Variants in PPFIA2 observed in about 807,000 individuals in gnomAD.
PPFIA2 encodes the protein liprin-alpha-2.
In PPFIA2, 46 loss-of-function variants were observed where a neutral mutation model predicts 175.5. That is an observed-to-expected ratio of 0.26 (90% CI 0.21 to 0.34). PPFIA2 has a LOEUF of 0.34. Among genes scored for constraint, PPFIA2 ranks in the 10% least tolerant of loss-of-function variants. The probability of loss-of-function intolerance (pLI) is 1.00; values close to 1 mark genes in which losing one functional copy is unlikely to be tolerated. For missense variants in PPFIA2, 1,179 were observed against 1,506.1 expected, an observed-to-expected ratio of 0.78 and a Z score of 3.60; for synonymous variants, 568 against 511.4, an observed-to-expected ratio of 1.11 and a Z score of -1.49.
intron 6 of PPFIA2, among the ~76,000 whole-genome samples, chr12:81,443,392 T>C (rs2050592021): frequency 6.6e-6 from 1 of 152,156 alleles, no homozygotes. Flanking sequence ...AACTCACCAA[T>C]GTTCAGAATA....
At chr12:81,458,478 T>C (rs1346194925) in intron 4 of PPFIA2, among the ~76,000 whole-genome samples, 2 of 152,198 alleles carry the variant, frequency 1.3e-5, no homozygotes, top group Non-Finnish European at 1.5e-5. Context: ...CTTTGACTTG[T>C]TCACGGTTAC....
At chr12:81,648,311 CACA>C (rs544512897) in intron 4 of PPFIA2, among the ~76,000 whole-genome samples, 63 of 151,800 alleles carry the variant, frequency 4.2e-4, no homozygotes, top group African/African-American at 1.4e-3. Context: ...TGAAATGAAA[CACA>C]ACAAAGTATA....
chr12:81,631,468 G>A (rs1410007537), intron 4 of PPFIA2, among the ~76,000 whole-genome samples: 1 of 151,864 alleles, frequency 6.6e-6, no homozygotes, highest in African/African-American at 2.4e-5. Context: ...CTAACCCCAA[G>A]ATCCGATGAT....
intron 4 of PPFIA2, among the ~76,000 whole-genome samples, chr12:81,578,515 A>T (rs556734303): frequency 1.3e-5 from 2 of 151,822 alleles, no homozygotes; most frequent in Non-Finnish European, 2.9e-5. Context: ...TTTTAAAAAG[A>T]ACTTTTAATG....
intron 7 of PPFIA2, among the ~76,000 whole-genome samples, chr12:81,426,383 T>G (rs78476741): frequency 0.012 from 1,878 of 152,230 alleles, 45 homozygotes; most frequent in Admixed American, 0.029. Context: ...TATAATAGAT[T>G]TCAGTGAGTG....
At chr12:81,283,486 G>A (rs568123385) in intron 25 of PPFIA2, among the ~76,000 whole-genome samples, 50 of 151,932 alleles carry the variant, frequency 3.3e-4, no homozygotes, top group African/African-American at 1.2e-3. Context: ...TTCAACAACA[G>A]CCAACAAAAC....
chr12:81,638,085 T>G (rs556762328), intron 4 of PPFIA2, among the ~76,000 whole-genome samples: 184 of 152,342 alleles, frequency 1.2e-3, no homozygotes, highest in African/African-American at 4.0e-3. Context: ...TTGAAATTTA[T>G]ACATCACTAT....
chr12:81,471,472 CTT>C (rs763523467), intron 4 of PPFIA2, among the ~76,000 whole-genome samples: 1 of 137,206 alleles, frequency 7.3e-6, no homozygotes, highest in Non-Finnish European at 1.6e-5. Context: ...CTTGGGTTTC[CTT>C]TTTTTTTTTT....
At chr12:81,625,905 CTTTGGTG>C (rs1250649549) in intron 4 of PPFIA2, among the ~76,000 whole-genome samples, 2 of 148,474 alleles carry the variant, frequency 1.3e-5, no homozygotes, top group Non-Finnish European at 3.0e-5. Flanking sequence ...AGTATATAGC[CTTTGGTG>C]TTTGTCAAAG....
chr12:81,747,863 C>T (rs1597175747), intron 3 of PPFIA2, among the ~76,000 whole-genome samples: 1 of 144,428 alleles, frequency 6.9e-6, no homozygotes, highest in East Asian at 2.1e-4. Flanking sequence ...TAAGTAGCCT[C>T]TTTTAATTTC....
At chr12:81,756,781 C>A (rs1219140954) in intron 2 of PPFIA2, among the ~76,000 whole-genome samples, 1 of 152,124 alleles carries the variant, frequency 6.6e-6, no homozygotes, top group Non-Finnish European at 1.5e-5. Flanking sequence ...AAGTGATCAA[C>A]ATTAATCTTT....
chr12:81,617,956 G>A (rs1361594733), intron 4 of PPFIA2, among the ~76,000 whole-genome samples: 1 of 152,162 alleles, frequency 6.6e-6, no homozygotes, highest in African/African-American at 2.4e-5. Context: ...GTGGTGTGGA[G>A]GGACAAGAAC....
intron 22 of PPFIA2, among the ~76,000 whole-genome samples, chr12:81,318,968 A>AT (rs774848537): frequency 6.6e-6 from 1 of 151,786 alleles, no homozygotes; most frequent in Non-Finnish European, 1.5e-5. Flanking sequence ...TTCTATTAAT[A>AT]TTAATCCAGG....
At chr12:81,418,435 T>C (rs2045693391) in intron 7 of PPFIA2, among the ~76,000 whole-genome samples, 1 of 151,988 alleles carries the variant, frequency 6.6e-6, no homozygotes, top group Admixed American at 6.6e-5. Flanking sequence ...CTAAAAATTG[T>C]TTTGACATTT....
intron 22 of PPFIA2, among the ~76,000 whole-genome samples, chr12:81,304,349 A>T (rs1236974303): frequency 1.3e-5 from 2 of 152,222 alleles, no homozygotes; most frequent in African/African-American, 4.8e-5. Context: ...CAAGTTTTGC[A>T]GCAAGCAAAG....
intron 9 of PPFIA2, 116 bp from the exon 10 acceptor site, chr12:81,376,058 C>T (rs1485493129): frequency 2.2e-5 from 20 of 915,048 alleles, no homozygotes; most frequent in Non-Finnish European, 3.1e-5. Flanking sequence ...AGTAAATACT[C>T]ATTCCTTTCT....
intron 7 of PPFIA2, among the ~76,000 whole-genome samples, chr12:81,416,658 T>C (rs185323082): frequency 6.6e-6 from 1 of 151,840 alleles, no homozygotes; most frequent in Non-Finnish European, 1.5e-5. Context: ...ATGGAGGCTA[T>C]CTTGATTCAT....
intron 7 of PPFIA2, among the ~76,000 whole-genome samples, chr12:81,406,290 C>T (rs1041802041): frequency 6.6e-6 from 1 of 151,694 alleles, no homozygotes; most frequent in African/African-American, 2.4e-5. Context: ...TTAAAGTATA[C>T]AAGAAACATA....
At chr12:81,696,256 T>C (rs890699491) in intron 3 of PPFIA2, among the ~76,000 whole-genome samples, 4 of 152,160 alleles carry the variant, frequency 2.6e-5, no homozygotes, top group Non-Finnish European at 5.9e-5. Flanking sequence ...ATAGCAATAG[T>C]AGCAGCAGTA....
Sources: gnomAD v4.1 joint callset for allele counts (sites outside exome capture counted in the v4.1 genomes callset) on GRCh38, gnomAD v4.1.1 for gene constraint, MANE v1.5 for transcripts, NCBI Gene and HGNC (gene_info 2026-07-23, HGNC 2026-07-21) for gene names.